ACTR3: variants seen among roughly 807,000 people sequenced by gnomAD.
ACTR3 encodes the protein actin-related protein 3.
In ACTR3, 12 loss-of-function variants were observed where a neutral mutation model predicts 56.8. The observed-to-expected ratio is 0.21, with a 90% CI of 0.14 to 0.34. ACTR3 has a LOEUF of 0.34. ACTR3 is among the 10% of genes least tolerant of loss of function. ACTR3 has a pLI of 1.00. For missense variants in ACTR3, 282 were observed against 512.5 expected (o/e 0.55, Z 4.34); for synonymous variants, 162 against 167.4 (o/e 0.97, Z 0.25).
chr2:113,954,403 T>G (rs950043044), intron 10 of ACTR3: 1 of 152,164 alleles, frequency 6.6e-6, no homozygotes, highest in African/African-American at 2.4e-5. Flanking sequence ...CTGTCATTCC[T>G]TCTATGTTTT....
chr2:113,925,910 G>C (rs943762137), intron 3 of ACTR3, among the ~76,000 whole-genome samples: 7 of 152,124 alleles, frequency 4.6e-5, no homozygotes, highest in African/African-American at 1.7e-4. Flanking sequence ...ATATTCTGTT[G>C]CAGAGGTTCA....
At position 113,959,580 on chromosome 2, in the gene ACTR3, C is replaced by T. The variant is rs1680290121; in HGVS notation, c.*2125C>T. On this transcript the variant is annotated 3_prime_UTR_variant, in exon 12 of 12. Coordinates refer to ENST00000263238, the MANE Select transcript of ACTR3 (RefSeq NM_005721.5). ...TAACTTATTTGGGGAAACAAAACTC[C>T]AGCCCTTCTTGTGTATGTTCTGATA... 1.3e-5 allele frequency: 2 copies of T among 152,040 alleles called. No homozygotes were observed. Among genetic ancestry groups the T allele is most frequent in the Non-Finnish European group, 2.9e-5 (2 of 67,912 alleles). 9.4% of individuals were successfully genotyped at this position (152,040 alleles called of 1,614,324 possible).
chr2:113,951,444 T>A, intron 8 of ACTR3, 35 bp from the exon 9 acceptor site: 1 of 1,397,668 alleles, frequency 7.2e-7, no homozygotes, highest in Non-Finnish European at 1.0e-6. Context: ...TCAGTAGTGA[T>A]ATGATCTCTA....
At chr2:113,945,339 A>T (rs934749495) in intron 8 of ACTR3, among the ~76,000 whole-genome samples, 5 of 152,106 alleles carry the variant, frequency 3.3e-5, no homozygotes, top group Non-Finnish European at 7.4e-5. Flanking sequence ...TCTTGGTAGT[A>T]ACCCCCAGAT....
At chr2:113,949,841 G>T (rs1332213715) in intron 8 of ACTR3, among the ~76,000 whole-genome samples, 3 of 152,220 alleles carry the variant, frequency 2.0e-5, no homozygotes, top group Non-Finnish European at 4.4e-5. Flanking sequence ...GGGATTATAG[G>T]TGTGAGTCAC....
chr2:113,936,301 C>CAAA (rs1679824202), intron 6 of ACTR3, among the ~76,000 whole-genome samples: 1 of 61,652 alleles, frequency 1.6e-5, no homozygotes, highest in African/African-American at 1.6e-4. Context: ...GACCCTGTCT[C>CAAA]CAAAAAAAAA....
chr2:113,898,625 A>G (rs866790708), intron 1 of ACTR3, among the ~76,000 whole-genome samples: 23 of 152,338 alleles, frequency 1.5e-4, no homozygotes, highest in African/African-American at 5.3e-4. Flanking sequence ...ATGTTTCCCA[A>G]TAATAATGTT....
intron 1 of ACTR3, among the ~76,000 whole-genome samples, chr2:113,906,152 C>A (rs1356821590): frequency 6.6e-6 from 1 of 152,196 alleles, no homozygotes; most frequent in Non-Finnish European, 1.5e-5. Context: ...TCTTCCCCAA[C>A]ATTTGTTATT....
intron 3 of ACTR3, among the ~76,000 whole-genome samples, chr2:113,925,539 G>A (rs533980449): frequency 3.3e-4 from 50 of 152,238 alleles, no homozygotes; most frequent in Non-Finnish European, 6.9e-4. Context: ...ATATTTGTTC[G>A]TATATATTTC....
chr2:113,917,736 G>A (rs1186451778), intron 3 of ACTR3, among the ~76,000 whole-genome samples: 2 of 152,120 alleles, frequency 1.3e-5, no homozygotes, highest in African/African-American at 2.4e-5. Flanking sequence ...ACTTTGCCAT[G>A]TATCGTGAGT....
intron 6 of ACTR3, among the ~76,000 whole-genome samples, chr2:113,934,811 A>G (rs1001368368): frequency 6.6e-6 from 1 of 152,176 alleles, no homozygotes; most frequent in African/African-American, 2.4e-5. Context: ...ATTAAGAAAA[A>G]TGCATCAAAT....
upstream of ACTR3, chr2:113,890,088 G>C (rs1249538046): frequency 1.6e-6 from 1 of 643,636 alleles, no homozygotes. Flanking sequence ...TGCCTGCCTG[G>C]GTTGCGGAAG....
intron 3 of ACTR3, among the ~76,000 whole-genome samples, chr2:113,918,059 A>G (rs1679440612): frequency 1.3e-5 from 2 of 152,332 alleles, no homozygotes; most frequent in African/African-American, 2.4e-5. Context: ...CTAGAAGTGC[A>G]TGACCAATAT....
At chr2:113,910,426 G>A (rs1198866810) in intron 1 of ACTR3, among the ~76,000 whole-genome samples, 1 of 152,144 alleles carries the variant, frequency 6.6e-6, no homozygotes, top group Non-Finnish European at 1.5e-5. Flanking sequence ...GTTTCTCTGA[G>A]TTTTGTGAGC....
intron 1 of ACTR3, among the ~76,000 whole-genome samples, chr2:113,900,091 A>G (rs564060577): frequency 2.0e-4 from 31 of 152,216 alleles, no homozygotes; most frequent in Non-Finnish European, 4.0e-4. Flanking sequence ...TTATTGAGTT[A>G]TAATTCACAT....
chr2:113,898,945 C>T (rs967236726), intron 1 of ACTR3, among the ~76,000 whole-genome samples: 6 of 152,220 alleles, frequency 3.9e-5, no homozygotes, highest in Non-Finnish European at 7.4e-5. Context: ...TAGTCTCATT[C>T]CAGAGCTCAC....
chr2:113,928,588 TTAA>T (rs1679660675), intron 4 of ACTR3, among the ~76,000 whole-genome samples: 1 of 152,212 alleles, frequency 6.6e-6, no homozygotes, highest in Non-Finnish European at 1.5e-5. Flanking sequence ...CTGAGGAAAC[TTAA>T]TGAGAACTTT....
chr2:113,911,400 TTTACTC>T (rs958840910), intron 1 of ACTR3, among the ~76,000 whole-genome samples: 1 of 150,752 alleles, frequency 6.6e-6, no homozygotes, highest in South Asian at 2.1e-4. Context: ...TTTTTAATGA[TTTACTC>T]TTATTTGGCA....
At chr2:113,926,987 A>G (rs980009952) in intron 3 of ACTR3, among the ~76,000 whole-genome samples, 3 of 152,254 alleles carry the variant, frequency 2.0e-5, no homozygotes, top group African/African-American at 7.2e-5. Flanking sequence ...AATTAAGGAA[A>G]TTGTGATAAA....
Sources: gnomAD v4.1 joint callset for allele counts (sites outside exome capture counted in the v4.1 genomes callset) on GRCh38, gnomAD v4.1.1 for gene constraint, MANE v1.5 for transcripts, NCBI Gene and HGNC (gene_info 2026-07-23, HGNC 2026-07-21) for gene names.